GLIS3: variants seen among roughly 807,000 people sequenced by gnomAD.
GLIS3 encodes the protein GLIS family zinc finger 3.
In GLIS3, 53 loss-of-function variants were observed where a neutral mutation model predicts 78.6. The observed-to-expected ratio is 0.67, with a 90% CI of 0.54 to 0.85. GLIS3 has a LOEUF of 0.85. Ranked by LOEUF, GLIS3 falls within the 40% of genes least tolerant of loss-of-function variation. GLIS3 has a pLI of 0.00. For missense variants in GLIS3, 1,703 were observed against 1,231.1 expected (o/e 1.38, Z -5.74); for synonymous variants, 684 against 509.9 (o/e 1.34, Z -4.60).
At chr9:4,280,175 A>G (rs903572196) in intron 2 of GLIS3, among the ~76,000 whole-genome samples, 2 of 152,084 alleles carry the variant, frequency 1.3e-5, no homozygotes, top group East Asian at 3.9e-4. Context: ...ACATGCCAAC[A>G]CACCCAGCTA....
At chr9:4,419,758 A>C in the GLIS3 span, among the ~76,000 whole-genome samples, 11 of 152,048 alleles carry the variant, frequency 7.2e-5, no homozygotes, top group South Asian at 2.1e-4. Flanking sequence ...CCAGCCTGGG[A>C]GACAGAATGA....
At chr9:4,383,989 C>T in the GLIS3 span, among the ~76,000 whole-genome samples, 4,129 of 152,256 alleles carry the variant, frequency 0.027, 227 homozygotes, top group East Asian at 0.24. Flanking sequence ...CATGGAACTA[C>T]CCCCACTTCT....
At position 4,289,236 on chromosome 9, in the gene GLIS3, C is replaced by T. The variant is rs574445979; in HGVS notation, c.-98-2713G>A. On this transcript the variant is annotated intron_variant, in intron 1 of 10. Transcript: ENST00000381971. The stretch of plus-strand genomic sequence containing the variant: ...TTCAGGAATTTGGATCTATTCATTA[C>T]GGCCTCTTGAAATTCTGTAACTCCA... 1.9e-4 allele frequency among the ~76,000 whole-genome samples: 29 copies of T among 152,232 alleles called. No homozygotes were observed. In the South Asian group the frequency reaches 2.9e-3, roughly 15 times the overall value.
intron 4 of GLIS3, among the ~76,000 whole-genome samples, chr9:4,306,359 A>G (rs950731483): frequency 1.3e-5 from 2 of 152,130 alleles, no homozygotes; most frequent in African/African-American, 4.8e-5. Flanking sequence ...TCAATTTAAT[A>G]TTATGCAAGA....
At chr9:4,430,209 T>A in the GLIS3 span, among the ~76,000 whole-genome samples, 1 of 152,232 alleles carries the variant, frequency 6.6e-6, no homozygotes, top group Non-Finnish European at 1.5e-5. Context: ...AGAAGGTGCA[T>A]GCATGCCTGT....
Position 4,118,792 on chromosome 9 carries a change from T to C in GLIS3, c.686A>G (p.Gln229Arg). 1 of 1,611,448 alleles carries C rather than the reference T, an allele frequency of 6.2e-7. No individual in the cohort carries two copies. The highest frequency in any genetic ancestry group is 8.5e-7 in the Non-Finnish European group (1 of 1,180,010). Residue 229 changes from glutamine (Q) to arginine (R), a missense_variant, in exon 4 of 11, where the codon CAG becomes CGG. Coordinates refer to ENST00000381971, the MANE Select transcript of GLIS3 (RefSeq NM_001042413.2). The surrounding 1 kb of genome is among the most constrained non-coding windows in gnomAD (Gnocchi z 4.7). ...SASSMKQEWS[Q>R]GYRALPSLSN... ...GAGCGAAGGGAGGGCCCTGTAGCCC[T>C]GGGACCACTCCTGCTTCATGCTTGA...
At chr9:4,400,823 G>A in the GLIS3 span, among the ~76,000 whole-genome samples, 2 of 152,160 alleles carry the variant, frequency 1.3e-5, no homozygotes, top group Non-Finnish European at 2.9e-5. Flanking sequence ...GGCCAAAAGG[G>A]TATCTACTGC....
At chr9:4,333,444 G>C (rs1207509435) in intron 2 of GLIS3, among the ~76,000 whole-genome samples, 1 of 152,142 alleles carries the variant, frequency 6.6e-6, no homozygotes, top group Non-Finnish European at 1.5e-5. Context: ...ATTTGCTTAA[G>C]AACAAGCAAA....
intron 2 of GLIS3, among the ~76,000 whole-genome samples, chr9:4,205,460 T>C (rs1318473177): frequency 6.6e-6 from 1 of 152,180 alleles, no homozygotes; most frequent in African/African-American, 2.4e-5. Context: ...GTTCTGGGGA[T>C]TCTGAGAAAA....
chr9:4,456,460 A>T, the GLIS3 span, among the ~76,000 whole-genome samples: 4 of 152,236 alleles, frequency 2.6e-5, no homozygotes, highest in Non-Finnish European at 5.9e-5. Flanking sequence ...TTGATCATCT[A>T]TCTAGACTAC....
chr9:4,091,581 C>G (rs191601479), intron 4 of GLIS3, among the ~76,000 whole-genome samples: 48 of 152,206 alleles, frequency 3.2e-4, no homozygotes, highest in African/African-American at 1.2e-3. Flanking sequence ...TCATGTGTCG[C>G]TTAATGACAA....
At chr9:4,165,649 G>A (rs992255261) in intron 2 of GLIS3, among the ~76,000 whole-genome samples, 19 of 152,222 alleles carry the variant, frequency 1.2e-4, no homozygotes, top group Admixed American at 3.9e-4. Context: ...CCTGATGGGC[G>A]TCACTCCAGT....
chr9:4,338,056 G>GTT (rs1242278049), intron 2 of GLIS3, among the ~76,000 whole-genome samples: 6 of 119,670 alleles, frequency 5.0e-5, no homozygotes, highest in Non-Finnish European at 9.3e-5. Flanking sequence ...GTGTGTGTGT[G>GTT]TGTGTGTTTA....
At chr9:3,829,267 T>A in intron 10 of GLIS3, 43 bp downstream of exon 10, 1 of 1,587,792 alleles carries the variant, frequency 6.3e-7, no homozygotes, top group African/African-American at 1.3e-5. Flanking sequence ...TGGTCTCTCC[T>A]GTCAGTTGAC....
the GLIS3 span, among the ~76,000 whole-genome samples, chr9:4,447,966 G>T: frequency 6.6e-6 from 1 of 151,842 alleles, no homozygotes; most frequent in Non-Finnish European, 1.5e-5. Context: ...TGCCCAGACT[G>T]GTCTCAAACT....
intron 9 of GLIS3, among the ~76,000 whole-genome samples, chr9:3,840,683 A>G (rs1373004308): frequency 1.3e-5 from 2 of 152,228 alleles, no homozygotes; most frequent in East Asian, 3.8e-4. Flanking sequence ...CCACTGGAGC[A>G]ACCGCCTGGT....
At chr9:4,016,192 C>A (rs1822422661) in intron 4 of GLIS3, among the ~76,000 whole-genome samples, 1 of 152,162 alleles carries the variant, frequency 6.6e-6, no homozygotes, top group Admixed American at 6.5e-5. Flanking sequence ...TGGCTAATCC[C>A]AAACACCCCT....
intron 2 of GLIS3, among the ~76,000 whole-genome samples, chr9:4,260,323 T>C (rs1825392358): frequency 6.6e-6 from 1 of 152,042 alleles, no homozygotes; most frequent in East Asian, 1.9e-4. Flanking sequence ...TCCCAGCACT[T>C]TGGGAGGCCG....
chr9:4,237,015 CA>C (rs1167451287), intron 2 of GLIS3, among the ~76,000 whole-genome samples: 1 of 151,986 alleles, frequency 6.6e-6, no homozygotes, highest in Admixed American at 6.6e-5. Flanking sequence ...CTTCATTAGG[CA>C]CATGTGGCCA....
Sources: gnomAD v4.1 joint callset for allele counts (sites outside exome capture counted in the v4.1 genomes callset) on GRCh38, gnomAD v4.1.1 for gene constraint, Gnocchi (gnomAD v3.1) non-coding constraint, MANE v1.5 for transcripts, NCBI Gene and HGNC (gene_info 2026-07-23, HGNC 2026-07-21) for gene names.